Variants in ACVR1C observed in about 807,000 individuals in gnomAD.
ACVR1C encodes activin A receptor type 1C.
ACVR1C carries 23 observed loss-of-function variants against 57.9 expected under a neutral mutation model. The ratio of observed to expected loss-of-function variants is 0.40; its 90% confidence interval spans 0.29 to 0.56. The LOEUF (loss-of-function observed/expected upper bound fraction) is 0.56. Among genes scored for constraint, ACVR1C ranks in the 20% least tolerant of loss-of-function variants. ACVR1C has a pLI of 0.50. For synonymous variants in ACVR1C, 214 were observed against 215.3 expected, an observed-to-expected ratio of 0.99 and a Z score of 0.05; for missense variants, 480 against 607.9, an observed-to-expected ratio of 0.79 and a Z score of 2.21.
In ACVR1C at chr2:157,527,981, T is replaced by G. The variant is rs920270257; in HGVS notation, c.*5937A>C. 2.0e-5 allele frequency: 3 copies of G among 152,176 alleles called. No homozygotes were observed. The highest frequency in any genetic ancestry group is 4.4e-5 in the Non-Finnish European group (3 of 68,036). The allele number at this position is 152,176 out of a possible 1,614,324, so 9.4% of individuals were successfully genotyped here. On this transcript the variant is annotated 3_prime_UTR_variant, in exon 9 of 9. Coordinates refer to ENST00000243349, the MANE Select transcript of ACVR1C (RefSeq NM_145259.3). ...ACCAACATGATAAACAATCAATTTC[T>G]CTTCTCTCAGGAATGCCAGGATGAA...
At chr2:157,570,483 A>G in intron 2 of ACVR1C, among the ~76,000 whole-genome samples, 1 of 70,428 alleles carries the variant, frequency 1.4e-5, no homozygotes, top group Non-Finnish European at 2.9e-5. Context: ...TCAGCCCAAA[A>G]TCTCCTTAAG....
chr2:157,550,458 C>A (rs1180266755), intron 3 of ACVR1C, 66 bp from the exon 4 acceptor site: 2 of 1,431,288 alleles, frequency 1.4e-6, no homozygotes, highest in South Asian at 1.2e-5. Context: ...TCAATAATCA[C>A]TGTTTTCAGA....
At position 157,541,153 on chromosome 2, in the gene ACVR1C, G is replaced by C. The variant is rs1255017347; in HGVS notation, c.1162C>G (p.Arg388Gly). Residue 388 changes from arginine (R) to glycine (G), a missense_variant, in exon 7 of 9, where the codon CGA becomes GGA. Physicochemically the swap from Arg to Gly is moderately radical, Grantham distance 125 (BLOSUM62 -2). Coordinates refer to ENST00000243349, the MANE Select transcript of ACVR1C (RefSeq NM_145259.3). ...AGACCAACAGAATAGATGTCAGCTC[G>C]TTTGAAGGACTCAAAGATATTCACA... ...MNVNIFESFK[R>G]ADIYSVGLVY... 1 of 1,613,838 alleles carries C rather than the reference G, an allele frequency of 6.2e-7. No homozygotes were observed. The highest frequency in any genetic ancestry group is 8.5e-7 in the Non-Finnish European group (1 of 1,179,926).
At chr2:157,587,578 T>C (rs552922288) in intron 1 of ACVR1C, among the ~76,000 whole-genome samples, 161 bp from the exon 2 acceptor site, 1 of 152,236 alleles carries the variant, frequency 6.6e-6, no homozygotes, top group African/African-American at 2.4e-5. Context: ...CTCTCCATCA[T>C]ATATTTCACT....
chr2:157,541,605 C>A (rs536564604), intron 6 of ACVR1C, among the ~76,000 whole-genome samples: 2 of 152,288 alleles, frequency 1.3e-5, no homozygotes, highest in African/African-American at 2.4e-5. Context: ...CTGAAGGAAT[C>A]CAGCATCCAA....
chr2:157,597,354 C>A (rs1024556241), intron 1 of ACVR1C: 1 of 985,600 alleles, frequency 1.0e-6, no homozygotes, highest in African/African-American at 1.7e-5. Flanking sequence ...GGGGAGCTCC[C>A]CTTGCCTGGA....
intron 2 of ACVR1C, among the ~76,000 whole-genome samples, chr2:157,558,544 G>T (rs1195423485): frequency 6.6e-6 from 1 of 152,284 alleles, no homozygotes; most frequent in East Asian, 1.9e-4. Flanking sequence ...GTAAGTAAAA[G>T]ATTTAAAATT....
At chr2:157,601,755 C>T (rs974841114) in intron 1 of ACVR1C, among the ~76,000 whole-genome samples, 4 of 152,184 alleles carry the variant, frequency 2.6e-5, no homozygotes, top group African/African-American at 9.7e-5. Context: ...CCACCTCTAA[C>T]CCTGCTGTGC....
chr2:157,587,924 TA>T (rs912526489), intron 1 of ACVR1C, among the ~76,000 whole-genome samples: 45 of 152,054 alleles, frequency 3.0e-4, no homozygotes, highest in Non-Finnish European at 5.0e-4. Flanking sequence ...TTTATGTCTC[TA>T]AAAAAATAGT....
intron 4 of ACVR1C, among the ~76,000 whole-genome samples, chr2:157,549,043 G>A (rs973760335): frequency 6.6e-6 from 1 of 152,102 alleles, no homozygotes. Context: ...TTCTGTCCTG[G>A]TTGGTAAATA....
chr2:157,594,734 T>C (rs997697324), intron 1 of ACVR1C, among the ~76,000 whole-genome samples: 1 of 152,106 alleles, frequency 6.6e-6, no homozygotes, highest in Admixed American at 6.6e-5. Flanking sequence ...ACAGAAATAG[T>C]ATGCAAGACC....
At chr2:157,619,156 C>T (rs1417032222) in intron 1 of ACVR1C, among the ~76,000 whole-genome samples, 2 of 151,102 alleles carry the variant, frequency 1.3e-5, no homozygotes, top group Non-Finnish European at 3.0e-5. Flanking sequence ...GACTATAAAA[C>T]AAACACAAAT....
intron 8 of ACVR1C, 76 bp from the exon 9 acceptor site, chr2:157,534,119 A>C (rs1687425003): frequency 7.6e-7 from 1 of 1,309,028 alleles, no homozygotes; most frequent in Admixed American, 3.0e-5. Context: ...TAAAGCCATA[A>C]ATCCAGGAAT....
intron 1 of ACVR1C, among the ~76,000 whole-genome samples, chr2:157,603,176 C>A (rs557826154): frequency 3.9e-5 from 6 of 152,190 alleles, no homozygotes; most frequent in Non-Finnish European, 7.3e-5. Context: ...AATTCAGATA[C>A]ATCATCATCA....
chr2:157,536,227 A>G (rs1687484039), intron 8 of ACVR1C, among the ~76,000 whole-genome samples: 1 of 152,196 alleles, frequency 6.6e-6, no homozygotes, highest in Non-Finnish European at 1.5e-5. Flanking sequence ...AGTAATAGAA[A>G]CAATGAGAGA....
chr2:157,568,177 C>A (rs1688444592), intron 2 of ACVR1C, among the ~76,000 whole-genome samples: 3 of 74,478 alleles, frequency 4.0e-5, no homozygotes, highest in Non-Finnish European at 7.8e-5. Flanking sequence ...ATTTTGTCAC[C>A]ACCAGGCCTG....
At chr2:157,538,525 C>T (rs780243504) in intron 8 of ACVR1C, 48 bp downstream of exon 8, 6 of 1,467,490 alleles carry the variant, frequency 4.1e-6, no homozygotes, top group Non-Finnish European at 5.4e-6. Flanking sequence ...CCCCGATACT[C>T]ACCTCAAAAA....
At chr2:157,572,572 T>C (rs1181375158) in intron 2 of ACVR1C, among the ~76,000 whole-genome samples, 4 of 152,108 alleles carry the variant, frequency 2.6e-5, no homozygotes, top group Non-Finnish European at 5.9e-5. Context: ...TGTAATGGTA[T>C]TTAAATAACT....
Position 157,550,169 on chromosome 2 carries a change from G to A in ACVR1C, c.768C>T (p.Asp256=). 1.2e-6 allele frequency: 2 copies of A among 1,612,402 alleles called. No homozygotes were observed. Among genetic ancestry groups the A allele is most frequent in the African/African-American group, 1.3e-5 (1 of 74,428 alleles). ...CAATTAGATTGGAAATACCTTTGTT[G>A]TCAGCAGCAATGAAACCAAGGATGT... ...HENILGFIAA[D]NKDNGTWTQL... Residue 256 remains aspartate (D), a synonymous_variant, in exon 4 of 9, where the codon GAC becomes GAT. Transcript: ENST00000243349.
Sources: gnomAD v4.1 joint callset for allele counts (sites outside exome capture counted in the v4.1 genomes callset) on GRCh38, gnomAD v4.1.1 for gene constraint, MANE v1.5 for transcripts, NCBI Gene and HGNC (gene_info 2026-07-23, HGNC 2026-07-21) for gene names.